SNX24: variants seen among roughly 807,000 people sequenced by gnomAD.
The protein encoded by SNX24 is sorting nexin-24.
SNX24 carries 22 observed loss-of-function variants against 28.7 expected under a neutral mutation model. The observed-to-expected ratio is 0.77, with a 90% CI of 0.55 to 1.10. The LOEUF is 1.10. Among genes scored for constraint, SNX24 ranks in the 50% least tolerant of loss-of-function variants. The probability of loss-of-function intolerance (pLI) is 0.00; values close to 1 mark genes in which losing one functional copy is unlikely to be tolerated. For synonymous variants in SNX24, 69 were observed against 71.5 expected (o/e 0.96, Z 0.18); for missense variants, 221 against 201.1 (o/e 1.10, Z -0.60).
rs574171696 is a variant in SNX24 at position 122,936,994 on chromosome 5, C to A, written c.144+177C>A. 1.2e-3 allele frequency among the ~76,000 whole-genome samples: 187 copies of A among 152,206 alleles called. 1 individual carries two copies. Among genetic ancestry groups the A allele is most frequent in the African/African-American group, 4.2e-3 (174 of 41,524 alleles). On this transcript the variant is annotated intron_variant, in intron 2 of 6. Transcript: ENST00000261369. ...AGTTATTCAGTTCCTTAAAGGTATG[C>A]TTTCTGAATAGGTAGATTTTCTGTT... is the stretch of plus-strand genomic sequence containing the variant.
intron 1 of SNX24, among the ~76,000 whole-genome samples, chr5:122,907,112 A>G (rs888126901): frequency 2.0e-5 from 3 of 152,204 alleles, no homozygotes; most frequent in African/African-American, 7.2e-5. Context: ...ATTCTCCAAG[A>G]ACTTTAACTT....
intron 1 of SNX24, among the ~76,000 whole-genome samples, chr5:122,865,241 G>A (rs1755661814): frequency 6.6e-6 from 1 of 152,208 alleles, no homozygotes; most frequent in African/African-American, 2.4e-5. Flanking sequence ...TATCAACTTG[G>A]TATTCATACA....
At chr5:122,889,295 G>GT (rs1244646981) in intron 1 of SNX24, among the ~76,000 whole-genome samples, 4 of 151,920 alleles carry the variant, frequency 2.6e-5, no homozygotes, top group African/African-American at 9.7e-5. Flanking sequence ...GCCCTTCTCT[G>GT]TTTTTTATAG....
chr5:122,961,085 C>T (rs1410153254), intron 3 of SNX24, among the ~76,000 whole-genome samples: 2 of 152,180 alleles, frequency 1.3e-5, no homozygotes, highest in Non-Finnish European at 2.9e-5. Context: ...ATGAACATAT[C>T]TGTTTCTAGC....
intron 2 of SNX24, among the ~76,000 whole-genome samples, chr5:122,945,302 C>T (rs900311894): frequency 1.3e-5 from 2 of 152,154 alleles, no homozygotes; most frequent in African/African-American, 4.8e-5. Context: ...CATTTTAAGA[C>T]CATGAATTTA....
At chr5:123,026,563 T>G (rs910269928) in intron 5 of SNX24, among the ~76,000 whole-genome samples, 3 of 152,234 alleles carry the variant, frequency 2.0e-5, no homozygotes, top group Non-Finnish European at 4.4e-5. Flanking sequence ...CATCTGACTT[T>G]CTGATTCTAA....
At chr5:122,857,158 C>T (rs1755232686) in intron 1 of SNX24, among the ~76,000 whole-genome samples, 1 of 151,944 alleles carries the variant, frequency 6.6e-6, no homozygotes, top group African/African-American at 2.4e-5. Flanking sequence ...ATTACAGGTG[C>T]ACACCACCAC....
intron 1 of SNX24, among the ~76,000 whole-genome samples, chr5:122,895,619 G>T (rs1446883661): frequency 6.6e-6 from 1 of 152,158 alleles, no homozygotes; most frequent in Non-Finnish European, 1.5e-5. Context: ...CCCCGCAGGG[G>T]ACACGTCTGC....
chr5:122,956,167 T>C (rs1007574888), intron 3 of SNX24, among the ~76,000 whole-genome samples: 7 of 152,024 alleles, frequency 4.6e-5, no homozygotes, highest in Admixed American at 2.6e-4. Flanking sequence ...TTCATCACTG[T>C]GTATCTTAGT....
At chr5:122,927,066 C>A (rs374529108) in intron 1 of SNX24, among the ~76,000 whole-genome samples, 9 of 152,216 alleles carry the variant, frequency 5.9e-5, no homozygotes, top group African/African-American at 1.9e-4. Context: ...TGTTTGGATT[C>A]TTGCTAAATG....
intron 2 of SNX24, among the ~76,000 whole-genome samples, chr5:122,942,864 C>T (rs1006284182): frequency 6.6e-6 from 1 of 152,174 alleles, no homozygotes; most frequent in Non-Finnish European, 1.5e-5. Flanking sequence ...TGTCATGGAT[C>T]CCAGCAGCTA....
chr5:122,921,486 G>A (rs1256116472), intron 1 of SNX24, among the ~76,000 whole-genome samples: 1 of 152,150 alleles, frequency 6.6e-6, no homozygotes, highest in Non-Finnish European at 1.5e-5. Flanking sequence ...GTCCTGACTT[G>A]TGGAAAAATG....
At chr5:122,978,447 C>G (rs1761256278) in intron 3 of SNX24, among the ~76,000 whole-genome samples, 1 of 152,164 alleles carries the variant, frequency 6.6e-6, no homozygotes, top group African/African-American at 2.4e-5. Context: ...TCTTGTTAGA[C>G]TTTCTAGAAA....
rs1561554459 is a variant in SNX24, at chr5:122,891,081, A to G, written c.60+45388A>G. Reference sequence around the variant, plus strand: ...GACAAAAATGGAATCATATGAAGTTATTGTTCTGGAAATTGCTTTTTCAAA... The same window carrying G: ...GACAAAAATGGAATCATATGAAGTTGTTGTTCTGGAAATTGCTTTTTCAAA... On this transcript the variant is annotated intron_variant, in intron 1 of 6. Coordinates refer to ENST00000261369, the MANE Select transcript of SNX24 (RefSeq NM_014035.4). 14 of 1,534,842 alleles carry G rather than the reference A, an allele frequency of 9.1e-6. No individual in the cohort carries two copies. The South Asian group carries it at 9.9e-5, about 11-fold the overall frequency.
rs1427729816 is a variant in SNX24, at chr5:123,007,779, C to G, written c.*30C>G. 24 of 1,581,844 alleles carry G rather than the reference C, an allele frequency of 1.5e-5. No homozygotes were observed. Among genetic ancestry groups the G allele is most frequent in the Non-Finnish European group, 2.0e-5 (24 of 1,171,888 alleles). On this transcript the variant is annotated 3_prime_UTR_variant, in exon 7 of 7. Transcript: ENST00000261369. The stretch of plus-strand genomic sequence containing the variant: ...CCTACATGGCTAAAAGAAGCAGAAG[C>G]AAGTTTCGAAGTCACAGTCAAGGAA...
intron 1 of SNX24, among the ~76,000 whole-genome samples, chr5:122,903,025 AC>A (rs1268175219): frequency 6.6e-6 from 1 of 152,022 alleles, no homozygotes; most frequent in Non-Finnish European, 1.5e-5. Context: ...AGAACTCAGT[AC>A]CCCACTCAGA....
Position 122,856,910 on chromosome 5 carries a change from G to A in SNX24, c.60+11217G>A, listed in dbSNP as rs542948207. On this transcript the variant is annotated intron_variant, in intron 1 of 6. Coordinates refer to ENST00000261369, the MANE Select transcript of SNX24 (RefSeq NM_014035.4). ...CGGTGCTGCAGTCTATTTCCTTTGG[G>A]TCAGGGGTCTCCTCAGTATCTTTCC... Among the ~76,000 whole-genome samples, 34 of 152,282 alleles carry A rather than the reference G, an allele frequency of 2.2e-4. No individual in the cohort carries two copies. In the South Asian group the frequency reaches 6.8e-3, roughly 31 times the overall value.
intron 1 of SNX24, among the ~76,000 whole-genome samples, chr5:122,928,149 C>G: frequency 6.6e-6 from 1 of 152,190 alleles, no homozygotes. Context: ...TAACTGTTCT[C>G]TCTCTGGATA....
intron 1 of SNX24, among the ~76,000 whole-genome samples, chr5:122,899,457 A>G (rs2150077804): frequency 6.6e-6 from 1 of 152,294 alleles, no homozygotes; most frequent in Admixed American, 6.5e-5. Context: ...TGCCCAGGTT[A>G]GAGTGCAGTG....
Sources: gnomAD v4.1 joint callset for allele counts (sites outside exome capture counted in the v4.1 genomes callset) on GRCh38, gnomAD v4.1.1 for gene constraint, MANE v1.5 for transcripts, NCBI Gene and HGNC (gene_info 2026-07-23, HGNC 2026-07-21) for gene names.